Variants in PLXDC2 observed in about 807,000 individuals in gnomAD.
The protein encoded by PLXDC2 is plexin domain containing 2, also known as plexin domain-containing protein 2.
In PLXDC2, 40 loss-of-function variants were observed where a neutral mutation model predicts 68.9. The observed-to-expected ratio is 0.58, with a 90% CI of 0.45 to 0.76. PLXDC2 has a LOEUF of 0.76. Ranked by LOEUF, PLXDC2 falls within the 30% of genes least tolerant of loss-of-function variation. PLXDC2 has a pLI of 0.00. For missense variants in PLXDC2, 644 were observed against 661.9 expected (o/e 0.97, Z 0.30); for synonymous variants, 243 against 234.2 (o/e 1.04, Z -0.34).
chr10:20,179,290 G>A (rs1008309109), intron 9 of PLXDC2, among the ~76,000 whole-genome samples: 10 of 152,056 alleles, frequency 6.6e-5, no homozygotes, highest in African/African-American at 2.2e-4. Context: ...TTCATTTGTC[G>A]TCTTCTTTGC....
At chr10:19,956,894 G>C (rs1367972831) in intron 1 of PLXDC2, among the ~76,000 whole-genome samples, 1 of 152,090 alleles carries the variant, frequency 6.6e-6, no homozygotes, top group South Asian at 2.1e-4. Flanking sequence ...CTATTTTATA[G>C]AGCAGATAGT....
intron 13 of PLXDC2, among the ~76,000 whole-genome samples, chr10:20,270,416 C>T (rs1280973961): frequency 3.9e-5 from 6 of 152,108 alleles, no homozygotes; most frequent in Non-Finnish European, 8.8e-5. Context: ...AATTTCTGAA[C>T]GTTTCCTATA....
chr10:20,245,415 C>T lies in PLXDC2; in HGVS notation c.1383C>T (p.Leu461=), dbSNP rs149513981. The T allele has an allele frequency of 2.5e-6, 4 of 1,614,000 alleles. No individual in the cohort carries two copies. The highest frequency in any genetic ancestry group is 2.5e-6 in the Non-Finnish European group (3 of 1,179,968). The change falls in exon 13 of 14, where the codon CTC becomes CTT. Residue 461 remains leucine, a synonymous_variant. Transcript: ENST00000377252. The stretch of plus-strand genomic sequence containing the variant: ...ACGCTGGCCTCATCATTGGAATCCT[C>T]ATCCTGGTCCTCATTGTAGCCACAG... ...TLHAGLIIGI[L]ILVLIVATAI...
intron 1 of PLXDC2, among the ~76,000 whole-genome samples, chr10:19,906,373 A>G (rs1057418600): frequency 3.3e-5 from 5 of 152,212 alleles, no homozygotes; most frequent in Non-Finnish European, 7.3e-5. Flanking sequence ...CAGGAGGAAG[A>G]TGAGCAAAAG....
chr10:20,198,220 A>G (rs1435731617), intron 9 of PLXDC2, among the ~76,000 whole-genome samples: 1 of 152,176 alleles, frequency 6.6e-6, no homozygotes, highest in Non-Finnish European at 1.5e-5. Context: ...TATGTTAGAA[A>G]TCAGAGGGAA....
intron 7 of PLXDC2, among the ~76,000 whole-genome samples, chr10:20,168,372 T>A (rs1159850881): frequency 6.6e-6 from 1 of 152,088 alleles, no homozygotes; most frequent in African/African-American, 2.4e-5. Context: ...AAAGTTACTG[T>A]TTTTTCCATC....
At chr10:20,246,627 G>C (rs1252935871) in intron 13 of PLXDC2, among the ~76,000 whole-genome samples, 3 of 152,230 alleles carry the variant, frequency 2.0e-5, no homozygotes, top group Admixed American at 6.5e-5. Flanking sequence ...CGGGATTACA[G>C]GTGTGAGCCA....
At chr10:20,029,075 T>C (rs1835455608) in intron 2 of PLXDC2, among the ~76,000 whole-genome samples, 1 of 152,196 alleles carries the variant, frequency 6.6e-6, no homozygotes, top group Non-Finnish European at 1.5e-5. Flanking sequence ...TGCCTCTGAC[T>C]AGAGTGACCT....
chr10:20,143,107 A>G (rs535019324), intron 4 of PLXDC2, among the ~76,000 whole-genome samples, 188 bp from the exon 5 acceptor site: 2 of 152,222 alleles, frequency 1.3e-5, no homozygotes, highest in East Asian at 3.9e-4. Flanking sequence ...AAATTATACA[A>G]GAATTTGTTA....
chr10:19,936,083 T>C (rs1246365621), intron 1 of PLXDC2, among the ~76,000 whole-genome samples: 1 of 152,240 alleles, frequency 6.6e-6, no homozygotes, highest in Non-Finnish European at 1.5e-5. Context: ...GATTTCTTTT[T>C]AACAAAATTT....
rs140692307 is a variant in PLXDC2, at chr10:19,930,717, C to G, written c.113-71058C>G. Among the ~76,000 whole-genome samples the G allele has an allele frequency of 2.8e-3, 430 of 152,228 alleles. 2 individuals are homozygous for G. Among genetic ancestry groups the G allele is most frequent in the African/African-American group, 0.01 (416 of 41,532 alleles). On this transcript the variant is annotated intron_variant, in intron 1 of 13. Transcript: ENST00000377252. ...TGGCTCACACCTGTAAATCCCAGCA[C>G]TTTGGGAGGCCGAGGTGGGTGGGTC...
intron 1 of PLXDC2, among the ~76,000 whole-genome samples, chr10:19,837,401 AGAGAGAGAGTGTGT>A (rs925062361): frequency 3.0e-4 from 14 of 47,426 alleles, no homozygotes; most frequent in East Asian, 1.2e-3. Flanking sequence ...AGAGAGAGAG[AGAGAGAGAGTGTGT>A]GTGTGTGTGT....
chr10:19,922,911 G>C (rs1259245837), intron 1 of PLXDC2, among the ~76,000 whole-genome samples: 2 of 152,070 alleles, frequency 1.3e-5, no homozygotes, highest in East Asian at 3.9e-4. Context: ...CTGAACTGTT[G>C]TCCAAAACCT....
At chr10:20,188,057 A>G (rs1834710265) in intron 9 of PLXDC2, among the ~76,000 whole-genome samples, 1 of 151,692 alleles carries the variant, frequency 6.6e-6, no homozygotes. Flanking sequence ...ATCCAGTGAT[A>G]ATAAAAGGAT....
At chr10:19,955,446 A>G (rs561101094) in intron 1 of PLXDC2, among the ~76,000 whole-genome samples, 4 of 152,002 alleles carry the variant, frequency 2.6e-5, no homozygotes, top group South Asian at 2.1e-4. Context: ...ACCTTTCTAC[A>G]TGGCACCCAT....
rs1002358119 is a variant in PLXDC2 at position 20,286,552 on chromosome 10, A to C, written c.*6733A>C. ...ATGACCAAAGTATCGCTTACTGACC[A>C]TGCAGCTGTAAACCTTCTGTGCCTA... On this transcript the variant is annotated 3_prime_UTR_variant, in exon 14 of 14. Transcript: ENST00000377252. 4 of 152,180 alleles carry C rather than the reference A, an allele frequency of 2.6e-5. No individual in the cohort carries two copies. Among genetic ancestry groups the C allele is most frequent in the African/African-American group, 9.7e-5 (4 of 41,440 alleles). 9.4% of individuals were successfully genotyped at this position (152,180 alleles called of 1,614,324 possible). A position where few individuals can be genotyped will look rare whatever the true frequency, so the allele number is the denominator to read the frequency against.
chr10:19,869,526 A>C (rs933934520), intron 1 of PLXDC2, among the ~76,000 whole-genome samples: 7 of 150,902 alleles, frequency 4.6e-5, no homozygotes, highest in African/African-American at 1.5e-4. Flanking sequence ...AAATTTCTCT[A>C]AGCCAACATT....
At chr10:19,867,836 T>C (rs1837451582) in intron 1 of PLXDC2, among the ~76,000 whole-genome samples, 1 of 152,140 alleles carries the variant, frequency 6.6e-6, no homozygotes, top group Non-Finnish European at 1.5e-5. Context: ...AAAAATATAG[T>C]GTGTATGTAT....
intron 1 of PLXDC2, among the ~76,000 whole-genome samples, chr10:19,920,552 G>A (rs1214086694): frequency 2.6e-5 from 4 of 152,208 alleles, no homozygotes; most frequent in African/African-American, 9.6e-5. Flanking sequence ...GGCTGGGGCA[G>A]TCAGAGGAGA....
Sources: gnomAD v4.1 joint callset for allele counts (sites outside exome capture counted in the v4.1 genomes callset) on GRCh38, gnomAD v4.1.1 for gene constraint, MANE v1.5 for transcripts, NCBI Gene and HGNC (gene_info 2026-07-23, HGNC 2026-07-21) for gene names.